The following AGPS variants were observed in gnomAD, a reference collection of about 807,000 sequenced individuals.
AGPS encodes the protein alkylglycerone phosphate synthase, also known as alkyldihydroxyacetonephosphate synthase, peroxisomal.
A neutral mutation model predicts 90.7 loss-of-function variants in AGPS; 26 were observed. The observed-to-expected ratio is 0.29, with a 90% CI of 0.21 to 0.40. The LOEUF is 0.40. Among genes scored for constraint, AGPS ranks in the 10% least tolerant of loss-of-function variants. The pLI, the probability that AGPS is intolerant of heterozygous loss-of-function variation, is 1.00. For missense variants in AGPS, 540 were observed against 816.1 expected (o/e 0.66, Z 4.12); for synonymous variants, 294 against 285.3 (o/e 1.03, Z -0.31).
intron 1 of AGPS, among the ~76,000 whole-genome samples, chr2:177,396,608 C>G (rs1401574558): frequency 2.0e-5 from 3 of 152,062 alleles, no homozygotes; most frequent in African/African-American, 7.3e-5. Context: ...GGACATAGAT[C>G]AGTTAGAGGA....
At chr2:177,518,823 G>A (rs1023414829) in intron 17 of AGPS, among the ~76,000 whole-genome samples, 1 of 151,846 alleles carries the variant, frequency 6.6e-6, no homozygotes, top group African/African-American at 2.4e-5. Flanking sequence ...TCTTTAAGTT[G>A]GCTTCTGTGT....
At chr2:177,432,050 T>C (rs1056833708) in intron 2 of AGPS, among the ~76,000 whole-genome samples, 19 of 152,208 alleles carry the variant, frequency 1.2e-4, no homozygotes, top group African/African-American at 4.3e-4. Context: ...TCCCACAACA[T>C]ATACTAATAT....
intron 8 of AGPS, among the ~76,000 whole-genome samples, chr2:177,459,821 A>G (rs1482704979): frequency 6.6e-6 from 1 of 152,210 alleles, no homozygotes; most frequent in Admixed American, 6.5e-5. Context: ...CTGGGTATAT[A>G]CCCAAAGGAT....
chr2:177,524,414 C>A (rs1489872876), intron 19 of AGPS, among the ~76,000 whole-genome samples: 1 of 152,182 alleles, frequency 6.6e-6, no homozygotes, highest in East Asian at 1.9e-4. Flanking sequence ...AATGAGGCAA[C>A]CCTTTAAAAC....
chr2:177,451,755 G>A (rs1340795795), intron 8 of AGPS, among the ~76,000 whole-genome samples: 1 of 152,036 alleles, frequency 6.6e-6, no homozygotes, highest in East Asian at 1.9e-4. Flanking sequence ...ATGTTATTTT[G>A]TGTCTTATAG....
intron 11 of AGPS, among the ~76,000 whole-genome samples, chr2:177,485,971 T>C (rs575567929): frequency 2.6e-5 from 4 of 152,238 alleles, no homozygotes; most frequent in African/African-American, 9.6e-5. Flanking sequence ...AAAATAAAGA[T>C]AATGATTGAT....
At chr2:177,485,647 T>G (rs1248249697) in intron 11 of AGPS, among the ~76,000 whole-genome samples, 1 of 152,202 alleles carries the variant, frequency 6.6e-6, no homozygotes, top group Non-Finnish European at 1.5e-5. Flanking sequence ...CCAGGTGCGG[T>G]GGCTCACATC....
intron 6 of AGPS, 87 bp from the exon 7 acceptor site, chr2:177,442,320 G>A: frequency 9.7e-7 from 1 of 1,032,074 alleles, no homozygotes; most frequent in Non-Finnish European, 1.5e-6. Context: ...GGCCCTATCT[G>A]TATACTTGAT....
Position 177,536,937 on chromosome 2 carries a change from G to T in AGPS, c.1856-1137G>T, listed in dbSNP as rs142370510. Among the ~76,000 whole-genome samples the T allele has an allele frequency of 9.2e-4, 140 of 152,170 alleles. 2 individuals carry two copies. Among genetic ancestry groups the T allele is most frequent in the African/African-American group, 3.3e-3 (137 of 41,534 alleles). On this transcript the variant is annotated intron_variant, in intron 19 of 19. Coordinates refer to ENST00000264167, the MANE Select transcript of AGPS (RefSeq NM_003659.4). ...ATGTATCACTATAGCCTAATAAATG[G>T]GAATGCATTATAGAATGACAGGCTG... is the stretch of plus-strand genomic sequence containing the variant.
chr2:177,514,535 C>T (rs1479813759), intron 17 of AGPS, among the ~76,000 whole-genome samples: 1 of 152,124 alleles, frequency 6.6e-6, no homozygotes, highest in Non-Finnish European at 1.5e-5. Context: ...TTAAGGCATT[C>T]AGTTGTTAAG....
At chr2:177,437,684 T>C (rs2167902) in intron 5 of AGPS, among the ~76,000 whole-genome samples, 131,176 of 152,112 alleles carry the variant, frequency 0.86, 56,767 homozygotes, top group East Asian at 0.95. Flanking sequence ...TGCTGTCCAT[T>C]ATTGCATTTT....
chr2:177,541,049 G>C lies in AGPS; in HGVS notation c.*2854G>C, dbSNP rs573858822. 1 of 152,078 alleles carries C rather than the reference G, an allele frequency of 6.6e-6. No homozygotes were observed. Among genetic ancestry groups the C allele is most frequent in the Admixed American group, 6.6e-5 (1 of 15,252 alleles). The allele number at this position is 152,078 out of a possible 1,614,324, so 9.4% of individuals were successfully genotyped here. ...AAGAGGATTATATTATTTCTTCTAA[G>C]GAAGTAGGAGTTTTCTTCCTAAAAG... On this transcript the variant is annotated 3_prime_UTR_variant, in exon 20 of 20. Transcript: ENST00000264167.
At chr2:177,505,420 CTT>C (rs931812885) in intron 14 of AGPS, 84 bp from the exon 15 acceptor site, 4 of 1,204,996 alleles carry the variant, frequency 3.3e-6, no homozygotes, top group Admixed American at 3.5e-5. Flanking sequence ...GTTATTCAAA[CTT>C]ATTCTCTTGA....
intron 8 of AGPS, among the ~76,000 whole-genome samples, chr2:177,447,441 T>A (rs1049951757): frequency 6.6e-6 from 1 of 152,182 alleles, no homozygotes; most frequent in East Asian, 1.9e-4. Context: ...TAGTATTTAA[T>A]GAAAAAACCT....
chr2:177,433,080 C>T (rs975648000), intron 2 of AGPS, among the ~76,000 whole-genome samples: 4 of 152,118 alleles, frequency 2.6e-5, no homozygotes, highest in African/African-American at 9.7e-5. Context: ...GTTTGGTGTC[C>T]AAACTACAGG....
chr2:177,467,092 A>G (rs1034584111), intron 9 of AGPS, among the ~76,000 whole-genome samples: 2 of 144,638 alleles, frequency 1.4e-5, no homozygotes, highest in African/African-American at 5.4e-5. Flanking sequence ...ACTGCAGCCA[A>G]TGTCTTTGCA....
intron 19 of AGPS, among the ~76,000 whole-genome samples, chr2:177,536,275 A>G (rs997760192): frequency 1.3e-5 from 2 of 152,156 alleles, no homozygotes; most frequent in African/African-American, 4.8e-5. Context: ...GGATACATTC[A>G]GTGAAACTGT....
rs1686953590 is a variant in AGPS, at chr2:177,451,584, T to G, written c.870+5958T>G. On this transcript the variant is annotated intron_variant, in intron 8 of 19. Transcript: ENST00000264167. ...AGATAATGTTGAAAAGAAGCGAGAC[T>G]TGTTTCTGATTTAGGAGAGATGTGT... 2.6e-5 allele frequency among the ~76,000 whole-genome samples: 4 copies of G among 152,136 alleles called. No individual in the cohort carries two copies. In the East Asian group the frequency reaches 7.7e-4, roughly 29 times the overall value.
rs180924046 is a variant in AGPS at position 177,491,837 on chromosome 2, G to A, written c.1234-1311G>A. 3.6e-5 allele frequency among the ~76,000 whole-genome samples: 5 copies of A among 138,598 alleles called. No homozygotes were observed. The East Asian group carries it at 1.1e-3, about 30-fold the overall frequency. 90.9% of individuals were successfully genotyped at this position (138,598 alleles called of 152,430 possible). ...GTCTTGCACTGTTGCCCAGGCTGGA[G>A]TGCAGTGGCACAATCTTCGCTCACT... On this transcript the variant is annotated intron_variant, in intron 11 of 19. Coordinates refer to ENST00000264167, the MANE Select transcript of AGPS (RefSeq NM_003659.4).
Sources: gnomAD v4.1 joint callset for allele counts (sites outside exome capture counted in the v4.1 genomes callset) on GRCh38, gnomAD v4.1.1 for gene constraint, MANE v1.5 for transcripts, NCBI Gene and HGNC (gene_info 2026-07-23, HGNC 2026-07-21) for gene names.